Variants in DUSP23 observed in about 807,000 individuals in gnomAD.
The protein encoded by DUSP23 is dual specificity phosphatase 23.
A neutral mutation model predicts 13.3 loss-of-function variants in DUSP23; 10 were observed. That is an observed-to-expected ratio of 0.75 (90% confidence interval 0.46 to 1.27). The LOEUF (loss-of-function observed/expected upper bound fraction) is 1.27. DUSP23 is among the 50% of genes most tolerant of loss of function. DUSP23 has a pLI of 0.00. For missense variants in DUSP23, 228 were observed against 204.8 expected (o/e 1.11, Z -0.69); for synonymous variants, 107 against 95.3 (o/e 1.12, Z -0.72).
Position 159,781,257 on chromosome 1 carries a change from TGCCC to T in DUSP23, c.158_161del (p.Cys53SerfsTer58), listed in dbSNP as rs1347235539. On this transcript the variant is annotated frameshift_variant, in exon 1 of 2. Transcript: ENST00000368107. LOFTEE classifies it high-confidence loss of function. ...GCGCGGGCCCCCTCACAGCGACAGC[TGCCC>T]CGGCCTCACCCTGCACCGCCTGCGC... 2 of 1,548,836 alleles carry T rather than the reference TGCCC, an allele frequency of 1.3e-6. No homozygotes were observed. The highest frequency in any genetic ancestry group is 3.9e-5 in the Admixed American group (2 of 50,948).
At position 159,782,363 on chromosome 1, in the gene DUSP23, G is replaced by A; in HGVS notation, c.*25G>A. On this transcript the variant is annotated 3_prime_UTR_variant, in exon 2 of 2. Transcript: ENST00000368107. ...AGGGGCCTTAGTACCCTTCTACCAG[G>A]CCCTCACTCCCCTTCCCCATGTTGT... is the stretch of plus-strand genomic sequence containing the variant. 1.2e-6 allele frequency: 2 copies of A among 1,610,136 alleles called. No homozygotes were observed. Among genetic ancestry groups the A allele is most frequent in the South Asian group, 2.2e-5 (2 of 90,826 alleles).
chr1:159,782,170 T>G lies in DUSP23; in HGVS notation c.285T>G (p.Cys95Trp). 1 of 1,614,136 alleles carries G rather than the reference T, an allele frequency of 6.2e-7. No homozygotes were observed. The highest frequency in any genetic ancestry group is 1.7e-5 in the Admixed American group (1 of 60,022). ...CTTCGTAGGCTGTGGGAGTGCACTG[T>G]GCTCTGGGCTTTGGCCGCACTGGCA... ...NARGEAVGVH[C>W]ALGFGRTGTM... Residue 95 changes from cysteine to tryptophan, a missense_variant, in exon 2 of 2, where the codon TGT becomes TGG. Transcript: ENST00000368107.
intron 1 of DUSP23, 101 bp downstream of exon 1, chr1:159,781,468 T>TCGGGGAGGCAGACAGTAGGG: frequency 7.3e-7 from 1 of 1,378,032 alleles, no homozygotes; most frequent in Non-Finnish European, 9.5e-7. Context: ...TTAACTGGGC[T>TCGGGGAGGCAGACAGTAGGG]CGGGGAGGCA....
intron 1 of DUSP23, 27 bp downstream of exon 1, chr1:159,781,394 G>T: frequency 6.8e-7 from 1 of 1,472,214 alleles, no homozygotes. Flanking sequence ...AGCGCAGGGA[G>T]GGAGGGGCCT....
rs746245410 is a variant in DUSP23, at chr1:159,782,118, A to T, written c.268-35A>T. The T allele has an allele frequency of 1.9e-6, 3 of 1,604,638 alleles. No homozygotes were observed. In the Admixed American group the frequency reaches 5.0e-5, roughly 27 times the overall value. ...GGCAGGAAACAGTTGTGGGTGGGGG[A>T]GTTGAGTGGCACCCATCGAGCCCCC... On this transcript the variant is annotated intron_variant, in intron 1 of 1. Transcript: ENST00000368107.
chr1:159,781,225 T>C lies in DUSP23; in HGVS notation c.125T>C (p.Leu42Pro), dbSNP rs1420203447. 1.7e-5 allele frequency: 26 copies of C among 1,549,178 alleles called. No individual in the cohort carries two copies. Among genetic ancestry groups the C allele is most frequent in the Non-Finnish European group, 2.2e-5 (25 of 1,146,374 alleles). Reference sequence around the variant, plus strand: ...CTGGGCGTGCGGCACCTGGTGTCCCTGACGGAGCGCGGGCCCCCTCACAGC... The same window carrying C: ...CTGGGCGTGCGGCACCTGGTGTCCCCGACGGAGCGCGGGCCCCCTCACAGC... ...LDLGVRHLVSLTERGPPHSDS... is the reference protein window; with the variant it reads ...LDLGVRHLVSPTERGPPHSDS... The change falls in exon 1 of 2, where the codon CTG becomes CCG. Residue 42 changes from leucine (L) to proline (P), a missense_variant. By Grantham distance (98) the Leu-to-Pro change is moderately conservative. Coordinates refer to ENST00000368107, the MANE Select transcript of DUSP23 (RefSeq NM_001319658.2).
At position 159,781,053 on chromosome 1, in the gene DUSP23, G is replaced by A. The variant is rs992123304; in HGVS notation, c.-48G>A. 2.7e-6 allele frequency: 4 copies of A among 1,501,046 alleles called. No individual in the cohort carries two copies. The highest frequency in any genetic ancestry group is 2.7e-6 in the Non-Finnish European group (3 of 1,128,074). The allele number at this position is 1,501,046 out of a possible 1,614,324, so 93.0% of individuals were successfully genotyped here. On this transcript the variant is annotated 5_prime_UTR_variant, in exon 1 of 2. Coordinates refer to ENST00000368107, the MANE Select transcript of DUSP23 (RefSeq NM_001319658.2). ...GGGGACGCGTGGGCGGAGCGGGGCTGGCCAGCCTCGGCCCCCATGACCCGC... is the reference window on the plus strand; with the variant it reads ...GGGGACGCGTGGGCGGAGCGGGGCTAGCCAGCCTCGGCCCCCATGACCCGC...
chr1:159,781,687 A>G (rs1159289509), intron 1 of DUSP23, among the ~76,000 whole-genome samples: 1 of 152,204 alleles, frequency 6.6e-6, no homozygotes, highest in Non-Finnish European at 1.5e-5. Flanking sequence ...ACCATTTTCT[A>G]GAGTAAAGCT....
rs757046968 is a variant in DUSP23, at chr1:159,781,134, C to A, written c.34C>A (p.Leu12Ile). ...GCAGCCCCCCAACTTCTCCTGGGTG[C>A]TTCCGGGCCGGCTGGCGGGACTGGC... ...GVQPPNFSWV[L>I]PGRLAGLALP... is the part of the protein sequence containing the mutation. Residue 12 changes from leucine to isoleucine, a missense_variant, in exon 1 of 2, where the codon CTT becomes ATT. Transcript: ENST00000368107. 6.5e-7 allele frequency: 1 copy of A among 1,548,598 alleles called. No homozygotes were observed. The highest frequency in any genetic ancestry group is 1.4e-5 in the African/African-American group (1 of 73,098).
At position 159,781,360 on chromosome 1, in the gene DUSP23, G is replaced by C. The variant is rs908790974; in HGVS notation, c.260G>C (p.Arg87Pro). Reference protein sequence around the residue: ...FVQIVDEANARGEAVGVHCAL... With the variant: ...FVQIVDEANAPGEAVGVHCAL... ...CAGATCGTGGACGAGGCCAACGCAC[G>C]GGGAGAGGTCAGCGGGCGGGGTCAG... Residue 87 changes from arginine to proline, a missense_variant, in exon 1 of 2, where the codon CGG becomes CCG. Arg to Pro is a moderately radical substitution (Grantham distance 103). Coordinates refer to ENST00000368107, the MANE Select transcript of DUSP23 (RefSeq NM_001319658.2). 1.3e-6 allele frequency: 2 copies of C among 1,514,344 alleles called. No homozygotes were observed. Among genetic ancestry groups the C allele is most frequent in the Admixed American group, 4.1e-5 (2 of 48,770 alleles). 93.8% of individuals were successfully genotyped at this position (1,514,344 alleles called of 1,614,324 possible).
Position 159,781,340 on chromosome 1 carries a change from C to G in DUSP23, c.240C>G (p.Ile80Met). ...APDQIDRFVQIVDEANARGEA... is the reference protein window; with the variant it reads ...APDQIDRFVQMVDEANARGEA... ...ACCAGATCGACCGCTTCGTGCAGAT[C>G]GTGGACGAGGCCAACGCACGGGGAG... Residue 80 changes from isoleucine to methionine, a missense_variant, in exon 1 of 2, where the codon ATC becomes ATG. Transcript: ENST00000368107. 1.3e-6 allele frequency: 2 copies of G among 1,534,526 alleles called. No homozygotes were observed. The highest frequency in any genetic ancestry group is 1.4e-5 in the African/African-American group (1 of 72,212).
intron 1 of DUSP23, among the ~76,000 whole-genome samples, chr1:159,781,651 G>T (rs1661876483): frequency 6.6e-6 from 1 of 152,202 alleles, no homozygotes; most frequent in Non-Finnish European, 1.5e-5. Context: ...GGAGAGGTGG[G>T]GGTTGAAGTC....
In DUSP23 at chr1:159,781,112, G is replaced by GC. The variant is rs760562194; in HGVS notation, c.18dup (p.Asn7GlnfsTer118). ...GCCCTTTCCCAGCGATGGGCGTGCA[G>GC]CCCCCCAACTTCTCCTGGGTGCTTC... On this transcript the variant is annotated frameshift_variant, in exon 1 of 2. Coordinates refer to ENST00000368107, the MANE Select transcript of DUSP23 (RefSeq NM_001319658.2). LOFTEE classifies it high-confidence loss of function. 42 of 1,545,374 alleles carry GC rather than the reference G, an allele frequency of 2.7e-5. 1 individual carries two copies. The South Asian group carries it at 4.4e-4, about 16-fold the overall frequency.
At position 159,781,210 on chromosome 1, in the gene DUSP23, G is replaced by C; in HGVS notation, c.110G>C (p.Arg37Pro). Residue 37 changes from arginine to proline, a missense_variant, in exon 1 of 2, where the codon CGG becomes CCG. By Grantham distance (103) the Arg-to-Pro change is moderately radical. Transcript: ENST00000368107. ...HYQFLLDLGV[R>P]HLVSLTERGP... Reference sequence around the variant, plus strand: ...CAGTTCCTGTTGGACCTGGGCGTGCGGCACCTGGTGTCCCTGACGGAGCGC... The same window carrying C: ...CAGTTCCTGTTGGACCTGGGCGTGCCGCACCTGGTGTCCCTGACGGAGCGC... 6.5e-7 allele frequency: 1 copy of C among 1,549,468 alleles called. No homozygotes were observed. Among genetic ancestry groups the C allele is most frequent in the South Asian group, 1.2e-5 (1 of 83,976 alleles).
At position 159,781,065 on chromosome 1, in the gene DUSP23, C is replaced by T; in HGVS notation, c.-36C>T. ...GCGGAGCGGGGCTGGCCAGCCTCGG[C>T]CCCCATGACCCGCTGTCCTGTGCCC... On this transcript the variant is annotated 5_prime_UTR_variant, in exon 1 of 2. Transcript: ENST00000368107. 2.0e-6 allele frequency: 3 copies of T among 1,513,014 alleles called. No homozygotes were observed. Among genetic ancestry groups the T allele is most frequent in the Non-Finnish European group, 2.6e-6 (3 of 1,133,678 alleles). 93.7% of individuals were successfully genotyped at this position (1,513,014 alleles called of 1,614,324 possible).
Position 159,782,229 on chromosome 1 carries a change from G to A in DUSP23, c.344G>A (p.Gly115Asp), listed in dbSNP as rs763321584. Reference protein sequence around the residue: ...MLACYLVKERGLAAGDAIAEI... With the variant: ...MLACYLVKERDLAAGDAIAEI... ...GCCTGTTACCTGGTGAAGGAGCGGG[G>A]CTTGGCTGCAGGAGATGCCATTGCT... The change falls in exon 2 of 2, where the codon GGC becomes GAC. Residue 115 changes from glycine to aspartate, a missense_variant. Gly to Asp is a moderately conservative substitution (Grantham distance 94, BLOSUM62 -1). Coordinates refer to ENST00000368107, the MANE Select transcript of DUSP23 (RefSeq NM_001319658.2). 9 of 1,614,052 alleles carry A rather than the reference G, an allele frequency of 5.6e-6. No individual in the cohort carries two copies. Among genetic ancestry groups the A allele is most frequent in the Middle Eastern group, 1.6e-4 (1 of 6,084 alleles).
chr1:159,781,154 A>T lies in DUSP23; in HGVS notation c.54A>T (p.Gly18=). 6.5e-7 allele frequency: 1 copy of T among 1,548,788 alleles called. No individual in the cohort carries two copies. Among genetic ancestry groups the T allele is most frequent in the Non-Finnish European group, 8.7e-7 (1 of 1,146,528 alleles). Residue 18 remains glycine, a synonymous_variant, in exon 1 of 2, where the codon GGA becomes GGT. Transcript: ENST00000368107. ...FSWVLPGRLA[G]LALPRLPAHY... ...GGGTGCTTCCGGGCCGGCTGGCGGG[A>T]CTGGCGCTGCCGCGGCTCCCCGCCC...
intron 1 of DUSP23, 81 bp downstream of exon 1, chr1:159,781,448 C>T: frequency 7.1e-7 from 1 of 1,411,710 alleles, no homozygotes; most frequent in Non-Finnish European, 9.2e-7. Flanking sequence ...GAGACCGGGC[C>T]TGGGATAACT....
Position 159,781,134 on chromosome 1 carries a change from C to G in DUSP23, c.34C>G (p.Leu12Val). 6.5e-7 allele frequency: 1 copy of G among 1,548,598 alleles called. No individual in the cohort carries two copies. Among genetic ancestry groups the G allele is most frequent in the Non-Finnish European group, 8.7e-7 (1 of 1,146,566 alleles). Residue 12 changes from leucine to valine, a missense_variant, in exon 1 of 2, where the codon CTT becomes GTT. Coordinates refer to ENST00000368107, the MANE Select transcript of DUSP23 (RefSeq NM_001319658.2). The stretch of plus-strand genomic sequence containing the variant: ...GCAGCCCCCCAACTTCTCCTGGGTG[C>G]TTCCGGGCCGGCTGGCGGGACTGGC... ...GVQPPNFSWV[L>V]PGRLAGLALP...
Sources: gnomAD v4.1 joint callset for allele counts (sites outside exome capture counted in the v4.1 genomes callset) on GRCh38, gnomAD v4.1.1 for gene constraint, MANE v1.5 for transcripts, NCBI Gene and HGNC (gene_info 2026-07-23, HGNC 2026-07-21) for gene names.